FKBP3: variants seen among roughly 807,000 people sequenced by gnomAD.
FKBP3 encodes the protein FKBP prolyl isomerase 3.
Under a neutral mutation model 30.6 loss-of-function variants are expected in FKBP3, and 21 were observed. That is an observed-to-expected ratio of 0.69 (90% confidence interval 0.49 to 0.99). The LOEUF (loss-of-function observed/expected upper bound fraction) is 0.99, where lower values mean the gene tolerates loss of function less well. Ranked by LOEUF, FKBP3 falls within the 50% of genes least tolerant of loss-of-function variation. The pLI, the probability that FKBP3 is intolerant of heterozygous loss-of-function variation, is 0.00. For missense variants in FKBP3, 283 were observed against 261.6 expected (o/e 1.08, Z -0.56); for synonymous variants, 82 against 91.3 (o/e 0.90, Z 0.58).
chr14:45,132,646 A>C (rs1417636764), intron 1 of FKBP3, among the ~76,000 whole-genome samples: 1 of 152,098 alleles, frequency 6.6e-6, no homozygotes, highest in African/African-American at 2.4e-5. Context: ...ACTGTTAGTC[A>C]GGATGGTCTC....
intron 5 of FKBP3, 42 bp downstream of exon 5, chr14:45,120,845 T>A: frequency 6.8e-7 from 1 of 1,463,238 alleles, no homozygotes; most frequent in Non-Finnish European, 9.6e-7. Flanking sequence ...AGAAGCAGCA[T>A]ATGCCAGAAT....
In FKBP3 at chr14:45,134,391, C is replaced by G; in HGVS notation, c.66G>C (p.Lys22Asn). ...CCTGCAGAAACTTGATAATGTCCTT[C>G]TTGGGCAGCTGCTCACTGCGCAGCT... ...VEQLRSEQLP[K>N]KDIIKFLQEH... The change falls in exon 1 of 7, where the codon AAG (lysine) becomes AAC (asparagine). Residue 22 changes from lysine (K) to asparagine (N), a missense_variant. Coordinates refer to ENST00000396062, the MANE Select transcript of FKBP3 (RefSeq NM_002013.4). 6.2e-7 allele frequency: 1 copy of G among 1,613,944 alleles called. No individual in the cohort carries two copies. The highest frequency in any genetic ancestry group is 8.5e-7 in the Non-Finnish European group (1 of 1,179,942).
In FKBP3 at chr14:45,121,598, G is replaced by C. The variant is rs1884986288; in HGVS notation, c.341C>G (p.Ser114Cys). Residue 114 changes from serine (S) to cysteine (C), a missense_variant, in exon 4 of 7, where the codon TCT (serine) becomes TGT (cysteine). Coordinates refer to ENST00000396062, the MANE Select transcript of FKBP3 (RefSeq NM_002013.4). The part of the protein sequence containing the change: ...LDEGPPKYTK[S>C]VLKKGDKTNF... ...GGTTTTATCTCCCTTTTTCAGAACA[G>C]ATTTAGTATATTTTGGTGGACCCTA... is the stretch of plus-strand genomic sequence containing the variant. 1 of 1,613,358 alleles carries C rather than the reference G, an allele frequency of 6.2e-7. No individual in the cohort carries two copies. The highest frequency in any genetic ancestry group is 1.7e-5 in the Admixed American group (1 of 59,976).
Position 45,125,507 on chromosome 14 carries a change from G to A in FKBP3, c.319-3887C>T, listed in dbSNP as rs189328364. On this transcript the variant is annotated intron_variant, in intron 3 of 6. Transcript: ENST00000396062. ...TTCTAATTGCTAAGTGTGAGTTTCT[G>A]TCGTAACTTATATTTTCTTTCCTGT... 1.3e-3 allele frequency among the ~76,000 whole-genome samples: 196 copies of A among 152,264 alleles called. 1 individual carries two copies. Among genetic ancestry groups the A allele is most frequent in the African/African-American group, 4.5e-3 (188 of 41,562 alleles).
rs567117972 is a variant in FKBP3, at chr14:45,128,103, T to G, written c.318+1691A>C. ...TGTAATCCCAACACTTTGGAAGGCC[T>G]AGGTGGGCGGATAACTTGAGGTCAG... On this transcript the variant is annotated intron_variant, in intron 3 of 6. Transcript: ENST00000396062. Among the ~76,000 whole-genome samples the G allele has an allele frequency of 1.1e-3, 164 of 152,114 alleles. 3 individuals are homozygous for G. In the East Asian group the frequency reaches 0.026, roughly 24 times the overall value.
chr14:45,126,772 C>T (rs1271338875), intron 3 of FKBP3, among the ~76,000 whole-genome samples: 1 of 152,056 alleles, frequency 6.6e-6, no homozygotes, highest in African/African-American at 2.4e-5. Context: ...TCACTGGAGC[C>T]CACGAGTTTG....
At chr14:45,131,619 ACT>A (rs1428604825) in intron 1 of FKBP3, among the ~76,000 whole-genome samples, 1 of 125,596 alleles carries the variant, frequency 8.0e-6, no homozygotes, top group Non-Finnish European at 1.6e-5. Context: ...ACAGAGCAAG[ACT>A]CTGTCTCAAA....
At chr14:45,117,970 A>T in intron 6 of FKBP3, 58 bp downstream of exon 6, 1 of 1,252,878 alleles carries the variant, frequency 8.0e-7, no homozygotes, top group Non-Finnish European at 1.1e-6. Context: ...ACATCCTCAA[A>T]GGTGATCTAG....
intron 3 of FKBP3, among the ~76,000 whole-genome samples, chr14:45,129,172 C>T (rs1291330492): frequency 6.6e-6 from 1 of 152,174 alleles, no homozygotes; most frequent in Non-Finnish European, 1.5e-5. Context: ...ATCACTGATA[C>T]TAAGACTGCT....
chr14:45,124,305 T>A (rs974022968), intron 3 of FKBP3, among the ~76,000 whole-genome samples: 2 of 152,044 alleles, frequency 1.3e-5, no homozygotes, highest in African/African-American at 2.4e-5. Context: ...CCCAGAAGGG[T>A]TGATCACCTG....
Position 45,116,209 on chromosome 14 carries a change from C to G in FKBP3, c.664G>C (p.Asp222His). The G allele has an allele frequency of 6.2e-7, 1 of 1,610,438 alleles. No individual in the cohort carries two copies. Among genetic ancestry groups the G allele is most frequent in the Non-Finnish European group, 8.5e-7 (1 of 1,176,848 alleles). ...AKLTFEVELVDID is the reference protein window; with the variant it reads ...AKLTFEVELVHID ...GAAGCACTGCTATTTCAATCAATAT[C>G]CACTAATTCCACTTCAAAAGTGAGT... The change falls in exon 7 of 7, where the codon GAT (aspartate) becomes CAT (histidine). Residue 222 changes from aspartate (D) to histidine (H), a missense_variant. Asp to His is a moderately conservative substitution (Grantham distance 81). Transcript: ENST00000396062.
At chr14:45,121,698 A>G (rs1884990125) in intron 3 of FKBP3, 78 bp from the exon 4 acceptor site, 2 of 1,503,082 alleles carry the variant, frequency 1.3e-6, no homozygotes, top group African/African-American at 1.4e-5. Context: ...ATAGCCAACA[A>G]TGACCAAAGT....
At chr14:45,127,115 C>CTTTTTTTTTTTTT (rs1231283034) in intron 3 of FKBP3, among the ~76,000 whole-genome samples, 2,454 of 120,158 alleles carry the variant, frequency 0.02, 68 homozygotes, top group South Asian at 0.053. Context: ...CTGACCCTGT[C>CTTTTTTTTTTTTT]TTTTTTTTTT....
intron 3 of FKBP3, among the ~76,000 whole-genome samples, chr14:45,128,316 G>A (rs929366411): frequency 1.1e-4 from 16 of 152,156 alleles, no homozygotes; most frequent in Admixed American, 9.2e-4. Context: ...CAGCCTGGGT[G>A]AGACTTTGTC....
chr14:45,130,802 T>A lies in FKBP3; in HGVS notation c.109-2A>T, dbSNP rs1433421943. Reference sequence around the variant, plus strand: ...TAATAATTTATGTTCTGCAAGAAACTATAAGGAAAAAAGCTGGGTAATCAA... The same window carrying A: ...TAATAATTTATGTTCTGCAAGAAACAATAAGGAAAAAAGCTGGGTAATCAA... On this transcript the variant is annotated splice_acceptor_variant, in intron 1 of 6. Transcript: ENST00000396062. LOFTEE classifies it high-confidence loss of function. 2 of 1,578,640 alleles carry A rather than the reference T, an allele frequency of 1.3e-6. No individual in the cohort carries two copies. Among genetic ancestry groups the A allele is most frequent in the Admixed American group, 3.6e-5 (2 of 55,388 alleles).
chr14:45,129,873 T>G lies in FKBP3; in HGVS notation c.239A>C (p.Lys80Thr), dbSNP rs1885177788. The change falls in exon 3 of 7, where the codon AAA becomes ACA. Residue 80 changes from lysine to threonine, a missense_variant. Coordinates refer to ENST00000396062, the MANE Select transcript of FKBP3 (RefSeq NM_002013.4). Reference sequence around the variant, plus strand: ...CACATTTTTTACTTGCTCAGACACTTTACTTATACTTTCAGTACCCTTAAA... The same window carrying G: ...CACATTTTTTACTTGCTCAGACACTGTACTTATACTTTCAGTACCCTTAAA... Reference protein sequence around the residue: ...KRFKGTESISKVSEQVKNVKL... With the variant: ...KRFKGTESISTVSEQVKNVKL... The G allele has an allele frequency of 6.2e-7, 1 of 1,612,614 alleles. No individual in the cohort carries two copies. The highest frequency in any genetic ancestry group is 1.3e-5 in the African/African-American group (1 of 74,892).
At chr14:45,118,203 T>G in intron 5 of FKBP3, 78 bp from the exon 6 acceptor site, 2 of 800,912 alleles carry the variant, frequency 2.5e-6, no homozygotes, top group South Asian at 3.2e-5. Context: ...AAGACAAGAT[T>G]GTATGTTAAA....
At position 45,134,457 on chromosome 14, in the gene FKBP3, C is replaced by T. The variant is rs1278261430; in HGVS notation, c.-1G>A. The T allele has an allele frequency of 4.3e-6, 7 of 1,609,734 alleles. No individual in the cohort carries two copies. Among genetic ancestry groups the T allele is most frequent in the Non-Finnish European group, 5.9e-6 (7 of 1,177,748 alleles). On this transcript the variant is annotated 5_prime_UTR_variant, in exon 1 of 7. Coordinates refer to ENST00000396062, the MANE Select transcript of FKBP3 (RefSeq NM_002013.4). ...CCCGCTGTGGAACGGCCGCCGCCAT[C>T]TTCCCCCGCTGCCTCCGCTTTACTG...
Position 45,129,867 on chromosome 14 carries a change from G to A in FKBP3, c.245C>T (p.Ser82Phe). ...AAGCTTCACATTTTTTACTTGCTCA[G>A]ACACTTTACTTATACTTTCAGTACC... The part of the protein sequence containing the change: ...FKGTESISKV[S>F]EQVKNVKLNE... The change falls in exon 3 of 7, where the codon TCT becomes TTT. Residue 82 changes from serine to phenylalanine, a missense_variant. Ser to Phe is a radical substitution (Grantham distance 155). Transcript: ENST00000396062. The A allele has an allele frequency of 1.2e-6, 2 of 1,612,866 alleles. No homozygotes were observed. The highest frequency in any genetic ancestry group is 1.7e-6 in the Non-Finnish European group (2 of 1,179,368).
Sources: gnomAD v4.1 joint callset for allele counts (sites outside exome capture counted in the v4.1 genomes callset) on GRCh38, gnomAD v4.1.1 for gene constraint, MANE v1.5 for transcripts, NCBI Gene and HGNC (gene_info 2026-07-23, HGNC 2026-07-21) for gene names.